Variants in MACROD2 observed in about 807,000 individuals in gnomAD.
The protein encoded by MACROD2 is mono-ADP ribosylhydrolase 2.
In MACROD2, 36 loss-of-function variants were observed where a neutral mutation model predicts 70.4. That is an observed-to-expected ratio of 0.51 (90% CI 0.39 to 0.68). The LOEUF is 0.68. MACROD2 is among the 30% of genes least tolerant of loss of function. MACROD2 has a pLI of 0.00. For synonymous variants in MACROD2, 172 were observed against 178.8 expected, an observed-to-expected ratio of 0.96 and a Z score of 0.30; for missense variants, 496 against 538.4, an observed-to-expected ratio of 0.92 and a Z score of 0.78.
At chr20:14,072,350 C>T (rs1041621409) in intron 2 of MACROD2, among the ~76,000 whole-genome samples, 1 of 152,036 alleles carries the variant, frequency 6.6e-6, no homozygotes, top group Non-Finnish European at 1.5e-5. Flanking sequence ...CAGATGGACT[C>T]TTTGAACTAA....
intron 6 of MACROD2, among the ~76,000 whole-genome samples, chr20:15,335,685 C>A (rs1037943833): frequency 7.9e-5 from 12 of 151,676 alleles, no homozygotes; most frequent in African/African-American, 2.7e-4. Flanking sequence ...AGATACCCTG[C>A]ATCATAATTT....
At chr20:14,581,330 T>C (rs1166508515) in intron 4 of MACROD2, among the ~76,000 whole-genome samples, 1 of 152,238 alleles carries the variant, frequency 6.6e-6, no homozygotes, top group Non-Finnish European at 1.5e-5. Flanking sequence ...GAATCTCTGA[T>C]TGTAGAACTT....
At chr20:16,028,842 A>G (rs1440579490) in intron 15 of MACROD2, among the ~76,000 whole-genome samples, 3 of 152,180 alleles carry the variant, frequency 2.0e-5, no homozygotes, top group African/African-American at 4.8e-5. Context: ...GAAAAAACAG[A>G]CTAGGTGAGT....
At chr20:15,917,095 T>C (rs529379405) in intron 10 of MACROD2, among the ~76,000 whole-genome samples, 3 of 152,266 alleles carry the variant, frequency 2.0e-5, no homozygotes, top group Non-Finnish European at 2.9e-5. Flanking sequence ...AAAATAATCA[T>C]AGAGAGGTGC....
intron 4 of MACROD2, among the ~76,000 whole-genome samples, chr20:14,590,122 A>G (rs1003237260): frequency 3.0e-4 from 46 of 152,166 alleles, no homozygotes; most frequent in Non-Finnish European, 1.2e-4. Context: ...CTCTTGAGCT[A>G]TTTTGACTAC....
chr20:14,764,841 T>A (rs79282690), intron 5 of MACROD2, among the ~76,000 whole-genome samples: 3,348 of 152,074 alleles, frequency 0.022, 146 homozygotes, highest in African/African-American at 0.076. Context: ...TTGATATTTA[T>A]TTTTTTTCTC....
chr20:14,343,899 C>A (rs1470316364), intron 3 of MACROD2, among the ~76,000 whole-genome samples: 9 of 152,162 alleles, frequency 5.9e-5, no homozygotes, highest in Non-Finnish European at 1.5e-5. Context: ...CAGTTTGGAC[C>A]AAAGTGGTCG....
intron 5 of MACROD2, among the ~76,000 whole-genome samples, chr20:14,919,625 T>C (rs1475885441): frequency 6.6e-6 from 1 of 152,194 alleles, no homozygotes; most frequent in African/African-American, 2.4e-5. Flanking sequence ...AAAATCTGCT[T>C]GTTCCTAACT....
intron 4 of MACROD2, among the ~76,000 whole-genome samples, chr20:14,603,468 T>G (rs1568693756): frequency 6.6e-6 from 1 of 152,236 alleles, no homozygotes; most frequent in Admixed American, 6.5e-5. Flanking sequence ...TGTATGCTCA[T>G]GTATAGAGAT....
chr20:15,764,437 T>A, intron 8 of MACROD2, among the ~76,000 whole-genome samples: 1 of 152,150 alleles, frequency 6.6e-6, no homozygotes, highest in Admixed American at 6.6e-5. Context: ...TAAAAGGAAC[T>A]CTTGACTCCT....
At chr20:14,364,140 T>C (rs2083251013) in intron 3 of MACROD2, among the ~76,000 whole-genome samples, 1 of 152,324 alleles carries the variant, frequency 6.6e-6, no homozygotes, top group Non-Finnish European at 1.5e-5. Flanking sequence ...TGCTGATCTT[T>C]TCCTTTTTTC....
chr20:15,811,072 C>T (rs574699768), intron 8 of MACROD2, among the ~76,000 whole-genome samples: 4 of 151,446 alleles, frequency 2.6e-5, no homozygotes, highest in African/African-American at 9.7e-5. Flanking sequence ...GCAACAAAAG[C>T]CAAAATTGAC....
chr20:14,719,856 A>T (rs1326257814), intron 5 of MACROD2, among the ~76,000 whole-genome samples: 1 of 152,198 alleles, frequency 6.6e-6, no homozygotes, highest in Non-Finnish European at 1.5e-5. Flanking sequence ...ATCTTCAGCC[A>T]AGTCCCACCA....
chr20:15,984,254 G>T, intron 13 of MACROD2, among the ~76,000 whole-genome samples: 1 of 152,012 alleles, frequency 6.6e-6, no homozygotes, highest in Non-Finnish European at 1.5e-5. Flanking sequence ...TTTACACACA[G>T]AATTTTCTTT....
intron 5 of MACROD2, among the ~76,000 whole-genome samples, chr20:14,808,229 G>A (rs1316627298): frequency 1.3e-5 from 2 of 152,102 alleles, no homozygotes. Flanking sequence ...GACTAACAGT[G>A]GATCTCTCAG....
chr20:15,582,971 A>T (rs1188547660), intron 8 of MACROD2, among the ~76,000 whole-genome samples: 4 of 152,116 alleles, frequency 2.6e-5, no homozygotes, highest in African/African-American at 9.7e-5. Flanking sequence ...TTCCCCTGCA[A>T]TTGCAAAAAA....
At chr20:14,572,041 C>T (rs1393810432) in intron 4 of MACROD2, among the ~76,000 whole-genome samples, 1 of 152,026 alleles carries the variant, frequency 6.6e-6, no homozygotes, top group African/African-American at 2.4e-5. Context: ...TCATAGACAG[C>T]ATAGGATCCC....
intron 4 of MACROD2, among the ~76,000 whole-genome samples, chr20:14,637,293 A>G (rs1392990569): frequency 1.3e-5 from 2 of 152,098 alleles, no homozygotes; most frequent in African/African-American, 4.8e-5. Flanking sequence ...GAAAAAATCC[A>G]CTCTAATGAC....
chr20:14,277,446 C>G (rs2082269396), intron 3 of MACROD2, among the ~76,000 whole-genome samples: 1 of 151,972 alleles, frequency 6.6e-6, no homozygotes, highest in Non-Finnish European at 1.5e-5. Flanking sequence ...CGTCTCAAAG[C>G]AAACAAACAA....
Sources: gnomAD v4.1 joint callset for allele counts (sites outside exome capture counted in the v4.1 genomes callset) on GRCh38, gnomAD v4.1.1 for gene constraint, MANE v1.5 for transcripts, NCBI Gene and HGNC (gene_info 2026-07-23, HGNC 2026-07-21) for gene names.